Variants in CADPS observed in about 807,000 individuals in gnomAD.
CADPS encodes the protein calcium dependent secretion activator.
Under a neutral mutation model 167.3 loss-of-function variants are expected in CADPS, and 57 were observed. The observed-to-expected ratio is 0.34, with a 90% CI of 0.28 to 0.42. The LOEUF (loss-of-function observed/expected upper bound fraction) is 0.42. Among genes scored for constraint, CADPS ranks in the 20% least tolerant of loss-of-function variants. The pLI, the probability that CADPS is intolerant of heterozygous loss-of-function variation, is 1.00. For synonymous variants in CADPS, 676 were observed against 635.3 expected (o/e 1.06, Z -0.96); for missense variants, 1,414 against 1,738.1 (o/e 0.81, Z 3.32).
intron 1 of CADPS, among the ~76,000 whole-genome samples, chr3:62,845,303 G>C (rs759532561): frequency 6.6e-6 from 1 of 152,138 alleles, no homozygotes; most frequent in Non-Finnish European, 1.5e-5. Flanking sequence ...ATTTTCCCCA[G>C]ATAGAAGTGT....
intron 28 of CADPS, among the ~76,000 whole-genome samples, chr3:62,429,639 G>A (rs773603348): frequency 1.3e-4 from 20 of 151,754 alleles, no homozygotes; most frequent in African/African-American, 3.1e-4. Flanking sequence ...GTGTGCACAC[G>A]CGTACTTGTA....
intron 3 of CADPS, among the ~76,000 whole-genome samples, chr3:62,713,019 G>C (rs2083713442): frequency 6.6e-6 from 1 of 152,204 alleles, no homozygotes; most frequent in African/African-American, 2.4e-5. Context: ...TGAAGGAATT[G>C]CTAATGATTA....
intron 6 of CADPS, among the ~76,000 whole-genome samples, chr3:62,642,110 G>A (rs58595042): frequency 6.9e-5 from 10 of 145,712 alleles, no homozygotes; most frequent in Non-Finnish European, 3.0e-5. Context: ...GGCTATACTT[G>A]AAAAAAAAAA....
chr3:62,723,078 A>G lies in CADPS; in HGVS notation c.888+30363T>C, dbSNP rs2076112731. ...GGCTTTGAGGATGGTAAAGGGTGCA[A>G]GCTGGGGCCATCAGAAAGCTCCCAG... On this transcript the variant is annotated intron_variant, in intron 3 of 29. Transcript: ENST00000383710. 1.3e-5 allele frequency among the ~76,000 whole-genome samples: 2 copies of G among 152,224 alleles called. 1 individual carries two copies. The highest frequency in any genetic ancestry group is 4.1e-4 in the South Asian group (2 of 4,830).
chr3:62,478,129 G>A lies in CADPS; in HGVS notation c.3329+132C>T. ...GACGTTGACAGCCACTACTCCAGCT[G>A]ACTTTGACAAGCAATCCCCTTCTCC... On this transcript the variant is annotated intron_variant, in intron 23 of 29. Coordinates refer to ENST00000383710, the MANE Select transcript of CADPS (RefSeq NM_003716.4). This position sits in a 1 kb window ranked among gnomAD's most constrained non-coding sequence, Gnocchi z 5.7. 1 of 991,678 alleles carries A rather than the reference G, an allele frequency of 1.0e-6. No homozygotes were observed. The highest frequency in any genetic ancestry group is 1.5e-6 in the Non-Finnish European group (1 of 663,244). The allele number at this position is 991,678 out of a possible 1,614,324, so 61.4% of individuals were successfully genotyped here. A position where few individuals can be genotyped will look rare whatever the true frequency, so the allele number is the denominator to read the frequency against.
At chr3:62,733,655 TTATGAGGCATACA>T (rs140722071) in intron 3 of CADPS, among the ~76,000 whole-genome samples, 11,119 of 152,242 alleles carry the variant, frequency 0.073, 481 homozygotes, top group South Asian at 0.15. Flanking sequence ...CATATTTTGT[TTATGAGGCATACA>T]TATGAGGCAA....
In CADPS at chr3:62,412,481, G is replaced by T. The variant is rs1371304723; in HGVS notation, c.3778-9296C>A. ...TGCTTAAAATATTTGCTGCTTCTGTGGGAAGGTATAAGGGATTTAACATTT... is the reference window on the plus strand; with the variant it reads ...TGCTTAAAATATTTGCTGCTTCTGTTGGAAGGTATAAGGGATTTAACATTT... On this transcript the variant is annotated intron_variant, in intron 28 of 29. Transcript: ENST00000383710. This position sits in a 1 kb window ranked among gnomAD's most constrained non-coding sequence, Gnocchi z 4.1. Among the ~76,000 whole-genome samples, 3 of 152,076 alleles carry T rather than the reference G, an allele frequency of 2.0e-5. No homozygotes were observed. The highest frequency in any genetic ancestry group is 2.0e-4 in the Admixed American group (3 of 15,254).
At chr3:62,481,566 T>C (rs527331819) in intron 22 of CADPS, among the ~76,000 whole-genome samples, 157 bp downstream of exon 22, 1 of 152,366 alleles carries the variant, frequency 6.6e-6, no homozygotes, top group African/African-American at 2.4e-5. Context: ...ACATGATGCA[T>C]GCCAGAAATA....
chr3:62,665,397 T>C (rs1237214089), intron 3 of CADPS, among the ~76,000 whole-genome samples: 3 of 152,190 alleles, frequency 2.0e-5, no homozygotes, highest in Non-Finnish European at 4.4e-5. Flanking sequence ...ATTTGACGGA[T>C]GTGGAAACTG....
intron 3 of CADPS, among the ~76,000 whole-genome samples, chr3:62,700,732 A>G (rs2081234583): frequency 6.6e-6 from 1 of 152,086 alleles, no homozygotes; most frequent in African/African-American, 2.4e-5. Context: ...TCTTATGCTC[A>G]GTTTAGGGCT....
intron 28 of CADPS, 111 bp downstream of exon 28, chr3:62,437,993 A>C: frequency 2.8e-6 from 2 of 708,428 alleles, no homozygotes; most frequent in Non-Finnish European, 4.9e-6. Context: ...TTTAGTCTGA[A>C]TCAGAACCAA....
chr3:62,588,239 C>T (rs1333331859), intron 7 of CADPS, among the ~76,000 whole-genome samples: 2 of 151,976 alleles, frequency 1.3e-5, no homozygotes. Context: ...AATCCCTGTC[C>T]CTGAGACTGT....
intron 11 of CADPS, among the ~76,000 whole-genome samples, chr3:62,545,363 G>A (rs2076291871): frequency 1.3e-5 from 2 of 152,100 alleles, no homozygotes; most frequent in Non-Finnish European, 2.9e-5. Context: ...GGAACACTCA[G>A]CTACAGATTG....
chr3:62,524,806 A>C lies in CADPS; in HGVS notation c.2292-6556T>G, dbSNP rs956351808. ...AAGCAAGAACACATCAGATGATTAGAGAAATTGTATAAAATGCAGGAAAGC... is the reference window on the plus strand; with the variant it reads ...AAGCAAGAACACATCAGATGATTAGCGAAATTGTATAAAATGCAGGAAAGC... On this transcript the variant is annotated intron_variant, in intron 13 of 29. Coordinates refer to ENST00000383710, the MANE Select transcript of CADPS (RefSeq NM_003716.4). 6.6e-5 allele frequency among the ~76,000 whole-genome samples: 10 copies of C among 152,322 alleles called. No homozygotes were observed. The East Asian group carries it at 1.9e-3, about 29-fold the overall frequency.
In CADPS at chr3:62,542,685, G is replaced by A. The variant is rs552650546; in HGVS notation, c.1967-6104C>T. 2.6e-5 allele frequency among the ~76,000 whole-genome samples: 4 copies of A among 152,218 alleles called. No homozygotes were observed. The South Asian group carries it at 8.3e-4, about 32-fold the overall frequency. ...TGGCCAAAAGAGGATGGCTTCTTTG[G>A]AAGCTCTCAAGGCTCACATTGCATC... is the stretch of plus-strand genomic sequence containing the variant. On this transcript the variant is annotated intron_variant, in intron 11 of 29. Coordinates refer to ENST00000383710, the MANE Select transcript of CADPS (RefSeq NM_003716.4).
chr3:62,780,361 T>G lies in CADPS; in HGVS notation c.442-14377A>C, dbSNP rs1333333601. On this transcript the variant is annotated intron_variant, in intron 1 of 29. Transcript: ENST00000383710. ...TGAGCCCAGAAGCTTGAGGCTGCAG[T>G]GACCTATGACAGCACCACTGAACTC... Among the ~76,000 whole-genome samples the G allele has an allele frequency of 2.6e-5, 4 of 152,092 alleles. No homozygotes were observed. The East Asian group carries it at 7.7e-4, about 29-fold the overall frequency.
intron 3 of CADPS, among the ~76,000 whole-genome samples, chr3:62,700,925 C>T (rs902829124): frequency 3.9e-5 from 6 of 152,026 alleles, no homozygotes; most frequent in Admixed American, 3.3e-4. Context: ...GCCCAGGCTG[C>T]CAGCATGGTC....
chr3:62,659,637 A>T (rs1236234770), intron 4 of CADPS, among the ~76,000 whole-genome samples: 1 of 152,210 alleles, frequency 6.6e-6, no homozygotes. Flanking sequence ...ACTGGAAGAC[A>T]ACAGCCTTGC....
At chr3:62,623,368 T>C (rs1222645463) in intron 6 of CADPS, among the ~76,000 whole-genome samples, 14 of 152,180 alleles carry the variant, frequency 9.2e-5, no homozygotes, top group Non-Finnish European at 1.2e-4. Context: ...CTTTTTGGAA[T>C]GGAAAGCTCC....
Sources: allele counts gnomAD v4.1 joint callset (sites outside exome capture counted in the v4.1 genomes callset), GRCh38; gene constraint gnomAD v4.1.1; non-coding constraint Gnocchi (gnomAD v3.1); transcripts MANE v1.5; gene names NCBI Gene and HGNC (gene_info 2026-07-23, HGNC 2026-07-21).